The following CTIF variants were observed in gnomAD, a reference collection of about 807,000 sequenced individuals.
CTIF encodes the protein CBP80/20-dependent translation initiation factor.
A neutral mutation model predicts 66.0 loss-of-function variants in CTIF; 21 were observed. The observed-to-expected ratio is 0.32, with a 90% CI of 0.23 to 0.46. CTIF has a LOEUF of 0.46. Among genes scored for constraint, CTIF ranks in the 20% least tolerant of loss-of-function variants. The pLI is 1.00. For missense variants in CTIF, 739 were observed against 812.7 expected (o/e 0.91, Z 1.10); for synonymous variants, 345 against 326.4 (o/e 1.06, Z -0.62).
chr18:48,757,936 C>CG lies in CTIF; in HGVS notation c.608dup (p.Asn204GlnfsTer8). 5 of 1,612,544 alleles carry CG rather than the reference C, an allele frequency of 3.1e-6. No individual in the cohort carries two copies. The highest frequency in any genetic ancestry group is 1.3e-5 in the African/African-American group (1 of 74,974). On this transcript the variant is annotated frameshift_variant, in exon 8 of 12. Coordinates refer to ENST00000256413, the MANE Select transcript of CTIF (RefSeq NM_014772.3). LOFTEE classifies it high-confidence loss of function. Reference sequence around the variant, plus strand: ...GTTTGCAGGCGGCAGCAGAGACCTCCGGGGGGCAACAAGCCCCAACAGCAT... The same window carrying CG: ...GTTTGCAGGCGGCAGCAGAGACCTCCGGGGGGGCAACAAGCCCCAACAGCAT...
intron 9 of CTIF, among the ~76,000 whole-genome samples, chr18:48,785,059 G>T (rs1412646268): frequency 1.3e-5 from 2 of 152,098 alleles, no homozygotes; most frequent in African/African-American, 4.8e-5. Flanking sequence ...TTTGTTTCTG[G>T]AAAAAACAGG....
At chr18:48,832,776 A>G (rs2068721660) in intron 10 of CTIF, among the ~76,000 whole-genome samples, 1 of 152,252 alleles carries the variant, frequency 6.6e-6, no homozygotes, top group Non-Finnish European at 1.5e-5. Flanking sequence ...AGGAAACGCA[A>G]ACACACTTGT....
intron 10 of CTIF, among the ~76,000 whole-genome samples, chr18:48,844,501 G>T (rs1177340119): frequency 6.6e-6 from 1 of 152,248 alleles, no homozygotes; most frequent in Non-Finnish European, 1.5e-5. Flanking sequence ...TCGCTACTTT[G>T]TACGGGGTGG....
chr18:48,695,034 C>T (rs2091985585), intron 6 of CTIF, among the ~76,000 whole-genome samples: 2 of 152,192 alleles, frequency 1.3e-5, no homozygotes, highest in South Asian at 2.1e-4. Flanking sequence ...TGACCACACA[C>T]TTGTCAGGGA....
chr18:48,637,095 G>A (rs1466917385), intron 3 of CTIF, among the ~76,000 whole-genome samples: 1 of 152,160 alleles, frequency 6.6e-6, no homozygotes, highest in East Asian at 1.9e-4. Flanking sequence ...GATGCTGGTG[G>A]GTGCTTTGGA....
chr18:48,707,499 C>G (rs56225982), intron 6 of CTIF, among the ~76,000 whole-genome samples: 1,662 of 152,182 alleles, frequency 0.011, 27 homozygotes, highest in African/African-American at 0.036. Flanking sequence ...GGGCACTTTT[C>G]ATTTTGATTG....
chr18:48,858,121 G>T (rs902601372), intron 11 of CTIF, among the ~76,000 whole-genome samples: 1 of 152,234 alleles, frequency 6.6e-6, no homozygotes, highest in Non-Finnish European at 1.5e-5. Flanking sequence ...TCCCTTTAGC[G>T]CCTGGCTTTG....
At chr18:48,788,934 G>A (rs2067734509) in intron 9 of CTIF, among the ~76,000 whole-genome samples, 1 of 152,126 alleles carries the variant, frequency 6.6e-6, no homozygotes, top group South Asian at 2.1e-4. Flanking sequence ...GGCCAAAACT[G>A]TCCCATTCCC....
intron 3 of CTIF, among the ~76,000 whole-genome samples, chr18:48,658,957 C>A (rs959843345): frequency 6.6e-6 from 1 of 152,084 alleles, no homozygotes; most frequent in Non-Finnish European, 1.5e-5. Context: ...TGAGGCCTGG[C>A]CCCCTGGGCA....
chr18:48,733,317 T>C (rs1362498211), intron 7 of CTIF, among the ~76,000 whole-genome samples: 1 of 152,150 alleles, frequency 6.6e-6, no homozygotes, highest in Non-Finnish European at 1.5e-5. Context: ...CTAATGATGG[T>C]GCTGGGCCCC....
At chr18:48,624,256 G>A (rs67769238) in intron 2 of CTIF, among the ~76,000 whole-genome samples, 9,630 of 151,942 alleles carry the variant, frequency 0.063, 362 homozygotes, top group African/African-American at 0.11. Flanking sequence ...TCTATCCTTG[G>A]GAGGAGGAGG....
intron 9 of CTIF, among the ~76,000 whole-genome samples, chr18:48,809,033 C>T (rs180741414): frequency 2.6e-5 from 4 of 152,256 alleles, no homozygotes; most frequent in Admixed American, 6.5e-5. Flanking sequence ...TGTGTTTCTT[C>T]GCTAGTTGAA....
intron 6 of CTIF, among the ~76,000 whole-genome samples, chr18:48,682,077 T>A (rs975811812): frequency 2.0e-5 from 3 of 151,822 alleles, no homozygotes; most frequent in Non-Finnish European, 4.4e-5. Context: ...TGAGCCACCG[T>A]GCCCAGCCCC....
chr18:48,585,126 C>A (rs996542466), intron 1 of CTIF, among the ~76,000 whole-genome samples: 5 of 152,264 alleles, frequency 3.3e-5, no homozygotes, highest in Admixed American at 6.5e-5. Flanking sequence ...GCAGTGGGAA[C>A]AATGTGTAGC....
chr18:48,770,854 C>G (rs1315143116), intron 9 of CTIF, among the ~76,000 whole-genome samples: 1 of 152,208 alleles, frequency 6.6e-6, no homozygotes, highest in Non-Finnish European at 1.5e-5. Flanking sequence ...CGGACCCCAG[C>G]TCTGAGCCAC....
intron 9 of CTIF, among the ~76,000 whole-genome samples, chr18:48,785,229 G>A (rs181636399): frequency 5.9e-5 from 9 of 152,188 alleles, no homozygotes; most frequent in Admixed American, 5.9e-4. Flanking sequence ...CAGAAAGGCA[G>A]AAGGAACCAC....
At chr18:48,714,491 G>A (rs770633366) in intron 7 of CTIF, among the ~76,000 whole-genome samples, 53 of 152,178 alleles carry the variant, frequency 3.5e-4, no homozygotes, top group Non-Finnish European at 6.6e-4. Flanking sequence ...AGTGGCTGGA[G>A]TTGGTGTCCG....
intron 1 of CTIF, among the ~76,000 whole-genome samples, chr18:48,611,127 C>T (rs919578901): frequency 6.6e-6 from 1 of 152,208 alleles, no homozygotes; most frequent in Non-Finnish European, 1.5e-5. Flanking sequence ...CGTCATTCCC[C>T]CTTCAGCCCC....
intron 6 of CTIF, among the ~76,000 whole-genome samples, chr18:48,689,763 G>A (rs897677504): frequency 1.4e-4 from 21 of 152,142 alleles, no homozygotes; most frequent in African/African-American, 5.1e-4. Flanking sequence ...TCCAGGAGGG[G>A]CTAAGTGCAA....
Sources: gnomAD v4.1 joint callset for allele counts (sites outside exome capture counted in the v4.1 genomes callset) on GRCh38, gnomAD v4.1.1 for gene constraint, MANE v1.5 for transcripts, NCBI Gene and HGNC (gene_info 2026-07-23, HGNC 2026-07-21) for gene names.